The following SLC16A7 variants were observed in gnomAD, a reference collection of about 807,000 sequenced individuals.
SLC16A7 encodes the protein solute carrier family 16 member 7.
Under a neutral mutation model 34.9 loss-of-function variants are expected in SLC16A7, and 33 were observed. That is an observed-to-expected ratio of 0.94 (90% CI 0.72 to 1.26). SLC16A7 has a LOEUF of 1.26. SLC16A7 is among the 50% of genes most tolerant of loss of function. SLC16A7 has a pLI of 0.00. For synonymous variants in SLC16A7, 201 were observed against 206.6 expected, an observed-to-expected ratio of 0.97 and a Z score of 0.23; for missense variants, 573 against 578.1, an observed-to-expected ratio of 0.99 and a Z score of 0.09.
chr12:59,743,679 T>A (rs1199513032), intron 3 of SLC16A7, among the ~76,000 whole-genome samples: 1 of 152,224 alleles, frequency 6.6e-6, no homozygotes, highest in African/African-American at 2.4e-5. Flanking sequence ...TAGAAGCTAC[T>A]ACATCCAAAT....
chr12:59,700,884 A>G (rs1179454731), intron 2 of SLC16A7, among the ~76,000 whole-genome samples: 1 of 151,696 alleles, frequency 6.6e-6, no homozygotes, highest in Non-Finnish European at 1.5e-5. Flanking sequence ...ACACTTAACT[A>G]TGTACAGATG....
chr12:59,704,748 T>G (rs1873365431), intron 2 of SLC16A7, 24 bp from the exon 3 acceptor site: 2 of 1,230,688 alleles, frequency 1.6e-6, no homozygotes, highest in Non-Finnish European at 2.3e-6. Context: ...AAATTTAAAC[T>G]GTTATTTCAT....
intron 2 of SLC16A7, among the ~76,000 whole-genome samples, chr12:59,657,942 T>A (rs940796310): frequency 6.6e-6 from 1 of 151,980 alleles, no homozygotes; most frequent in African/African-American, 2.4e-5. Flanking sequence ...TTTTAAAATG[T>A]GCATAAGAGC....
intron 3 of SLC16A7, among the ~76,000 whole-genome samples, chr12:59,724,130 G>T (rs536543008): frequency 1.3e-5 from 2 of 152,086 alleles, no homozygotes; most frequent in Non-Finnish European, 2.9e-5. Context: ...TTAAAGCAGA[G>T]AAGCCTGAAG....
chr12:59,712,143 C>T (rs754394702), intron 3 of SLC16A7, among the ~76,000 whole-genome samples: 4 of 152,154 alleles, frequency 2.6e-5, no homozygotes, highest in Non-Finnish European at 2.9e-5. Context: ...ACACCAAATA[C>T]GATACTTAGG....
chr12:59,668,223 C>T (rs1167913384), intron 2 of SLC16A7, among the ~76,000 whole-genome samples: 1 of 152,154 alleles, frequency 6.6e-6, no homozygotes, highest in Non-Finnish European at 1.5e-5. Context: ...GGCCACCATC[C>T]TTCAGACTGC....
chr12:59,636,469 T>C (rs1327366019), intron 1 of SLC16A7, among the ~76,000 whole-genome samples: 1 of 152,096 alleles, frequency 6.6e-6, no homozygotes, highest in Non-Finnish European at 1.5e-5. Context: ...GGAATTTATT[T>C]ATTTATTTAT....
intron 2 of SLC16A7, among the ~76,000 whole-genome samples, 186 bp from the exon 3 acceptor site, chr12:59,704,586 G>T (rs1873337647): frequency 6.6e-6 from 1 of 151,938 alleles, no homozygotes. Flanking sequence ...AATAATCAAA[G>T]GTATATAACT....
intron 2 of SLC16A7, among the ~76,000 whole-genome samples, chr12:59,662,608 G>A (rs1433381182): frequency 6.6e-6 from 1 of 152,068 alleles, no homozygotes; most frequent in African/African-American, 2.4e-5. Context: ...TCTCAAAAGT[G>A]CATGTAGAAA....
chr12:59,753,140 A>G (rs1329959581), intron 3 of SLC16A7, among the ~76,000 whole-genome samples: 1 of 152,228 alleles, frequency 6.6e-6, no homozygotes, highest in African/African-American at 2.4e-5. Flanking sequence ...AGTACCAGCC[A>G]CTGCAAAATC....
intron 3 of SLC16A7, among the ~76,000 whole-genome samples, chr12:59,726,418 A>G (rs755245836): frequency 7.2e-5 from 11 of 152,106 alleles, no homozygotes; most frequent in Non-Finnish European, 1.5e-4. Context: ...TTCCACTTTA[A>G]AAATAGAAAA....
At chr12:59,647,373 G>A (rs943009927) in intron 1 of SLC16A7, among the ~76,000 whole-genome samples, 3 of 152,048 alleles carry the variant, frequency 2.0e-5, no homozygotes, top group African/African-American at 4.8e-5. Flanking sequence ...TTCCCTCTTC[G>A]TTCAGCTCTC....
chr12:59,698,612 C>G (rs75230205), intron 2 of SLC16A7, among the ~76,000 whole-genome samples: 2,618 of 151,796 alleles, frequency 0.017, 78 homozygotes, highest in African/African-American at 0.059. Context: ...CGTTTGTGGA[C>G]CATTAGAGGA....
chr12:59,777,671 A>G lies in SLC16A7; in HGVS notation c.1181-1752A>G, dbSNP rs537045242. On this transcript the variant is annotated intron_variant, in intron 5 of 5. Coordinates refer to ENST00000547379, the MANE Select transcript of SLC16A7 (RefSeq NM_001270623.2). ...TTATTTTTTATTTTATTATTATTAG[A>G]CTTTAAGTTTTAGGGTATATGTGCA... Among the ~76,000 whole-genome samples, 365 of 151,168 alleles carry G rather than the reference A, an allele frequency of 2.4e-3. 1 individual carries two copies. The highest frequency in any genetic ancestry group is 8.1e-3 in the African/African-American group (332 of 41,184).
chr12:59,674,156 G>C (rs1870113449), intron 2 of SLC16A7, among the ~76,000 whole-genome samples: 1 of 152,062 alleles, frequency 6.6e-6, no homozygotes, highest in Non-Finnish European at 1.5e-5. Flanking sequence ...TGTAATATTA[G>C]AAGAACTAAG....
intron 2 of SLC16A7, among the ~76,000 whole-genome samples, chr12:59,659,841 G>C (rs954647441): frequency 1.3e-5 from 2 of 152,050 alleles, no homozygotes; most frequent in Admixed American, 6.6e-5. Context: ...CATCAAGCTT[G>C]CTTAATTTTT....
rs1330739605 is a variant in SLC16A7, at chr12:59,787,452, G to A, written c.*7773G>A. ...TAATTAGAGCTTCTTTTATGTTAGA[G>A]ATTCCATCTACCTCTGCATCTTATC... On this transcript the variant is annotated 3_prime_UTR_variant, in exon 6 of 6. Transcript: ENST00000547379. 1 of 152,118 alleles carries A rather than the reference G, an allele frequency of 6.6e-6. No homozygotes were observed. The highest frequency in any genetic ancestry group is 1.9e-4 in the East Asian group (1 of 5,196). The allele number at this position is 152,118 out of a possible 1,614,324, so 9.4% of individuals were successfully genotyped here.
intron 2 of SLC16A7, among the ~76,000 whole-genome samples, chr12:59,692,417 G>A (rs142134757): frequency 2.0e-5 from 3 of 151,930 alleles, no homozygotes; most frequent in Non-Finnish European, 2.9e-5. Flanking sequence ...CAATTCTGCC[G>A]TTTGAGTATA....
intron 1 of SLC16A7, among the ~76,000 whole-genome samples, chr12:59,618,723 A>G (rs1879568655): frequency 1.3e-5 from 2 of 152,020 alleles, no homozygotes; most frequent in Admixed American, 6.6e-5. Context: ...TAAAGTACAC[A>G]TAGATATTAT....
Sources: allele counts gnomAD v4.1 joint callset (sites outside exome capture counted in the v4.1 genomes callset), GRCh38; gene constraint gnomAD v4.1.1; transcripts MANE v1.5; gene names NCBI Gene and HGNC (gene_info 2026-07-23, HGNC 2026-07-21).